USP48: variants seen among roughly 807,000 people sequenced by gnomAD.
USP48 encodes ubiquitin specific peptidase 48, also known as ubiquitin carboxyl-terminal hydrolase 48.
USP48 carries 43 observed loss-of-function variants against 150.7 expected under a neutral mutation model. The ratio of observed to expected loss-of-function variants is 0.29; its 90% CI spans 0.22 to 0.37. The LOEUF (loss-of-function observed/expected upper bound fraction) is 0.37, where lower values mean the gene tolerates loss of function less well. Among genes scored for constraint, USP48 ranks in the 10% least tolerant of loss-of-function variants. USP48 has a pLI of 1.00. For synonymous variants in USP48, 396 were observed against 425.9 expected (o/e 0.93, Z 0.86); for missense variants, 813 against 1,249.6 (o/e 0.65, Z 5.27).
At chr1:21,740,404 A>G (rs2097778872) in intron 8 of USP48, among the ~76,000 whole-genome samples, 1 of 152,238 alleles carries the variant, frequency 6.6e-6, no homozygotes, top group African/African-American at 2.4e-5. Context: ...TGCTCTCCAC[A>G]GGAAATGGTA....
chr1:21,689,557 C>T (rs1243917360), intron 24 of USP48, among the ~76,000 whole-genome samples: 2 of 152,082 alleles, frequency 1.3e-5, no homozygotes, highest in East Asian at 1.9e-4. Flanking sequence ...AAAAATCAGG[C>T]GTGGAGCTTA....
At chr1:21,746,775 A>G (rs2097795576) in intron 8 of USP48, among the ~76,000 whole-genome samples, 1 of 152,224 alleles carries the variant, frequency 6.6e-6, no homozygotes, top group Non-Finnish European at 1.5e-5. Context: ...TAAGGTGGCA[A>G]GTGCGGGTTC....
Position 21,719,573 on chromosome 1 carries a change from A to G in USP48, c.1894+1463T>C, listed in dbSNP as rs140983259. On this transcript the variant is annotated intron_variant, in intron 14 of 26. Transcript: ENST00000308271. ...GGAGACTAGCCTGGGCAACATAGTGAGGCCTTATCTCTAGAATTTAAAAGA... is the reference window on the plus strand; with the variant it reads ...GGAGACTAGCCTGGGCAACATAGTGGGGCCTTATCTCTAGAATTTAAAAGA... Among the ~76,000 whole-genome samples the G allele has an allele frequency of 1.8e-3, 274 of 152,346 alleles. 1 individual carries two copies. Among genetic ancestry groups the G allele is most frequent in the South Asian group, 3.7e-3 (18 of 4,830 alleles).
intron 22 of USP48, among the ~76,000 whole-genome samples, chr1:21,700,431 A>T (rs1211852391): frequency 1.3e-5 from 2 of 152,214 alleles, no homozygotes; most frequent in Admixed American, 1.3e-4. Context: ...CCAAGATTCA[A>T]ATCAAGACGG....
intron 15 of USP48, among the ~76,000 whole-genome samples, chr1:21,708,435 T>C (rs897525903): frequency 6.6e-6 from 1 of 151,930 alleles, no homozygotes; most frequent in African/African-American, 2.4e-5. Flanking sequence ...GAGGCAGAGG[T>C]TGCAGTGAGC....
At chr1:21,754,196 T>C (rs555986766) in intron 3 of USP48, among the ~76,000 whole-genome samples, 3 of 151,874 alleles carry the variant, frequency 2.0e-5, no homozygotes, top group South Asian at 2.1e-4. Context: ...TTAGCAACCA[T>C]GTTTTGTGGA....
chr1:21,721,285 T>C (rs2152543084), intron 13 of USP48, 119 bp from the exon 14 acceptor site: 1 of 1,361,854 alleles, frequency 7.3e-7, no homozygotes, highest in Non-Finnish European at 9.9e-7. Flanking sequence ...CTACTGTACA[T>C]GTAATTGATT....
At chr1:21,745,046 C>A (rs954588351) in intron 8 of USP48, among the ~76,000 whole-genome samples, 12 of 152,062 alleles carry the variant, frequency 7.9e-5, no homozygotes, top group African/African-American at 2.9e-4. Flanking sequence ...AATATAAATA[C>A]TAATTATCTG....
intron 8 of USP48, among the ~76,000 whole-genome samples, chr1:21,739,108 C>G (rs2097775195): frequency 6.6e-6 from 1 of 152,184 alleles, no homozygotes; most frequent in Non-Finnish European, 1.5e-5. Flanking sequence ...CTATGATCGA[C>G]TTGAACTCTG....
At chr1:21,765,901 CAAAAAAAAAAAAAAAAAAAAAA>C (rs199539331) in intron 1 of USP48, among the ~76,000 whole-genome samples, 75,648 of 112,826 alleles carry the variant, frequency 0.67, 23,783 homozygotes, top group Admixed American at 0.78. Context: ...ACTCCATCTC[CAAAAAAAAAAAAAAAAAAAAAA>C]AAAAAAAAAA....
At chr1:21,697,186 A>G (rs893136546) in intron 22 of USP48, among the ~76,000 whole-genome samples, 1 of 152,098 alleles carries the variant, frequency 6.6e-6, no homozygotes, top group East Asian at 1.9e-4. Context: ...ACAGAAGAGC[A>G]TTTGTTCAGG....
rs140103362 is a variant in USP48 at position 21,766,757 on chromosome 1, C to T, written c.135-8974G>A. ...AGGCTGGAGTGCACTGCAACCTCTA[C>T]CTAACGGGCTCAAGACATTCTCCTG... On this transcript the variant is annotated intron_variant, in intron 1 of 26. Coordinates refer to ENST00000308271, the MANE Select transcript of USP48 (RefSeq NM_032236.8). 7.0e-4 allele frequency among the ~76,000 whole-genome samples: 107 copies of T among 152,142 alleles called. 1 individual carries two copies. The highest frequency in any genetic ancestry group is 6.8e-3 in the Middle Eastern group (2 of 294).
chr1:21,736,694 T>C, intron 8 of USP48, 69 bp from the exon 9 acceptor site: 1 of 1,288,244 alleles, frequency 7.8e-7, no homozygotes, highest in South Asian at 2.2e-5. Context: ...GAGCCTGAAT[T>C]GTAATGATTA....
chr1:21,689,889 C>T (rs1025751848), intron 24 of USP48, 85 bp downstream of exon 24: 1 of 1,545,534 alleles, frequency 6.5e-7, no homozygotes, highest in African/African-American at 1.4e-5. Flanking sequence ...CCAAGGCATC[C>T]TTTAACCACC....
At chr1:21,780,255 G>A (rs911345540) in intron 1 of USP48, among the ~76,000 whole-genome samples, 2 of 152,206 alleles carry the variant, frequency 1.3e-5, no homozygotes, top group African/African-American at 4.8e-5. Context: ...CACATGCGCA[G>A]CAGGGATAAC....
At chr1:21,779,915 T>C (rs959898903) in intron 1 of USP48, among the ~76,000 whole-genome samples, 3 of 151,982 alleles carry the variant, frequency 2.0e-5, no homozygotes, top group African/African-American at 4.8e-5. Context: ...AAACAGAAAA[T>C]AGTACCTGTT....
At chr1:21,702,338 TTAAA>T (rs2097659478) in intron 21 of USP48, among the ~76,000 whole-genome samples, 1 of 151,998 alleles carries the variant, frequency 6.6e-6, no homozygotes, top group Non-Finnish European at 1.5e-5. Context: ...AAGCATGGAA[TTAAA>T]TAAATTAATA....
chr1:21,752,587 T>C lies in USP48; in HGVS notation c.605A>G (p.Asn202Ser). Residue 202 changes from asparagine (N) to serine (S), a missense_variant, in exon 5 of 27, where the codon AAT becomes AGT. Coordinates refer to ENST00000308271, the MANE Select transcript of USP48 (RefSeq NM_032236.8). Reference protein sequence around the residue: ...LLEDTLSKQKNPDVRNIVQQQ... With the variant: ...LLEDTLSKQKSPDVRNIVQQQ... ...TTGAACAATATTGCGCACATCTGGA[T>C]TCTTTTGTTTAGACAAAGTATCTTC... is the stretch of plus-strand genomic sequence containing the variant. 2 of 1,613,594 alleles carry C rather than the reference T, an allele frequency of 1.2e-6. No homozygotes were observed. The highest frequency in any genetic ancestry group is 2.2e-5 in the East Asian group (1 of 44,864).
intron 23 of USP48, among the ~76,000 whole-genome samples, chr1:21,691,929 T>C (rs35263950): frequency 1.3e-4 from 20 of 152,224 alleles, no homozygotes; most frequent in African/African-American, 4.8e-4. Flanking sequence ...CATGATGTCA[T>C]GGGAAAACCA....
Sources: gnomAD v4.1 joint callset for allele counts (sites outside exome capture counted in the v4.1 genomes callset) on GRCh38, gnomAD v4.1.1 for gene constraint, MANE v1.5 for transcripts, NCBI Gene and HGNC (gene_info 2026-07-23, HGNC 2026-07-21) for gene names.